BARX2: variants seen among roughly 807,000 people sequenced by gnomAD.
The protein encoded by BARX2 is homeobox protein BarH-like 2.
A neutral mutation model predicts 25.5 loss-of-function variants in BARX2; 11 were observed. The observed-to-expected ratio is 0.43, with a 90% CI of 0.27 to 0.71. BARX2 has a LOEUF of 0.71. Ranked by LOEUF, BARX2 falls within the 30% of genes least tolerant of loss-of-function variation. BARX2 has a pLI of 0.19. For missense variants in BARX2, 360 were observed against 359.9 expected, an observed-to-expected ratio of 1.00 and a Z score of 0.00; for synonymous variants, 137 against 149.5, an observed-to-expected ratio of 0.92 and a Z score of 0.61.
chr11:129,403,573 C>T (rs1411377944), intron 1 of BARX2, among the ~76,000 whole-genome samples: 4 of 152,218 alleles, frequency 2.6e-5, no homozygotes, highest in African/African-American at 9.6e-5. Flanking sequence ...TGCCATACAA[C>T]TGGCTGGCAT....
intron 3 of BARX2, among the ~76,000 whole-genome samples, chr11:129,443,603 C>T (rs1169079510): frequency 6.6e-6 from 1 of 152,180 alleles, no homozygotes; most frequent in Non-Finnish European, 1.5e-5. Flanking sequence ...TCTGAAGTGC[C>T]TGGTATGATG....
chr11:129,442,820 T>C lies in BARX2; in HGVS notation c.489-15T>C, dbSNP rs1862279135. On this transcript the variant is annotated splice_polypyrimidine_tract_variant and intron_variant, in intron 2 of 3. Transcript: ENST00000281437. Reference sequence around the variant, plus strand: ...CCATTCTGCTCACCTTTCCTTTGTATCTTGTGCCTTCTAGGTTGGACTTGG... The same window carrying C: ...CCATTCTGCTCACCTTTCCTTTGTACCTTGTGCCTTCTAGGTTGGACTTGG... 1.9e-6 allele frequency: 3 copies of C among 1,608,266 alleles called. No homozygotes were observed. The highest frequency in any genetic ancestry group is 1.7e-6 in the Non-Finnish European group (2 of 1,174,774).
chr11:129,425,340 G>GGTA (rs1262415032), intron 1 of BARX2, among the ~76,000 whole-genome samples: 1 of 152,232 alleles, frequency 6.6e-6, no homozygotes, highest in East Asian at 1.9e-4. Flanking sequence ...GGTGCATGAA[G>GGTA]GTAGGAGTGA....
At position 129,430,223 on chromosome 11, in the gene BARX2, C is replaced by T. The variant is rs1226790511; in HGVS notation, c.188-6528C>T. 7.9e-5 allele frequency among the ~76,000 whole-genome samples: 12 copies of T among 152,314 alleles called. No individual in the cohort carries two copies. In the East Asian group the frequency reaches 1.9e-3, roughly 24 times the overall value. ...TTTGGGAATTTACTGTATCTTAACC[C>T]TGCCATTTTAAGTCACTGAACTAGT... On this transcript the variant is annotated intron_variant, in intron 1 of 3. Transcript: ENST00000281437.
chr11:129,427,301 G>A (rs1459465320), intron 1 of BARX2, among the ~76,000 whole-genome samples: 2 of 152,182 alleles, frequency 1.3e-5, no homozygotes, highest in African/African-American at 4.8e-5. Context: ...GTCAGGAATA[G>A]AGGCCTTATT....
At chr11:129,432,402 T>A (rs1167328221) in intron 1 of BARX2, among the ~76,000 whole-genome samples, 1 of 152,188 alleles carries the variant, frequency 6.6e-6, no homozygotes, top group Non-Finnish European at 1.5e-5. Flanking sequence ...CATTAAATGA[T>A]GTTTCTTTTA....
chr11:129,442,194 G>A (rs891813632), intron 2 of BARX2, among the ~76,000 whole-genome samples: 2 of 152,092 alleles, frequency 1.3e-5, no homozygotes, highest in Admixed American at 6.5e-5. Context: ...TTTGAGCACC[G>A]GTTCTGGATT....
intron 1 of BARX2, among the ~76,000 whole-genome samples, chr11:129,389,904 C>A (rs576018774): frequency 1.3e-5 from 2 of 151,950 alleles, no homozygotes; most frequent in African/African-American, 2.4e-5. Context: ...AAATGAAGTG[C>A]CTTTGTGACA....
chr11:129,375,901 C>A lies in BARX2; in HGVS notation c.-135C>A, dbSNP rs1861496768. 3 of 335,660 alleles carry A rather than the reference C, an allele frequency of 8.9e-6. No individual in the cohort carries two copies. In the South Asian group the frequency reaches 3.5e-4, roughly 39 times the overall value. 20.8% of individuals were successfully genotyped at this position (335,660 alleles called of 1,614,324 possible). ...CGCCCGCTACCCGCTCTCCTCCGCGCGCCACCCGAGCCCCGCCGCCTCCCC... is the reference window on the plus strand; with the variant it reads ...CGCCCGCTACCCGCTCTCCTCCGCGAGCCACCCGAGCCCCGCCGCCTCCCC... On this transcript the variant is annotated 5_prime_UTR_variant, in exon 1 of 4. Transcript: ENST00000281437. The surrounding 1 kb of genome is among the most constrained non-coding windows in gnomAD (Gnocchi z 4.0).
chr11:129,409,854 A>G (rs2135397636), intron 1 of BARX2, among the ~76,000 whole-genome samples: 1 of 152,238 alleles, frequency 6.6e-6, no homozygotes, highest in South Asian at 2.1e-4. Context: ...ATAGTCTTTT[A>G]TTTATAATTT....
intron 3 of BARX2, among the ~76,000 whole-genome samples, chr11:129,444,856 C>T (rs1862305581): frequency 6.6e-6 from 1 of 151,994 alleles, no homozygotes. Context: ...ACAAAATTAG[C>T]TGGGTGTGGT....
At chr11:129,416,979 G>A (rs1041255154) in intron 1 of BARX2, among the ~76,000 whole-genome samples, 3 of 151,418 alleles carry the variant, frequency 2.0e-5, no homozygotes, top group Admixed American at 6.6e-5. Flanking sequence ...TCAGCTCACT[G>A]CAAGCTCCGC....
chr11:129,422,393 G>A (rs571287819), intron 1 of BARX2, among the ~76,000 whole-genome samples: 3 of 152,118 alleles, frequency 2.0e-5, no homozygotes, highest in South Asian at 2.1e-4. Context: ...CCAACTCCTC[G>A]GTTCAAGTGA....
chr11:129,397,004 G>T (rs569816006), intron 1 of BARX2, among the ~76,000 whole-genome samples: 2 of 152,258 alleles, frequency 1.3e-5, no homozygotes, highest in South Asian at 4.1e-4. Context: ...AACTTACAAG[G>T]CTGGGCACGG....
intron 1 of BARX2, among the ~76,000 whole-genome samples, chr11:129,392,849 G>A (rs1188071396): frequency 2.0e-5 from 3 of 152,214 alleles, no homozygotes; most frequent in Non-Finnish European, 4.4e-5. Context: ...GGCCTCAAGC[G>A]ATCCACTTGC....
At chr11:129,389,676 G>T (rs745793401) in intron 1 of BARX2, among the ~76,000 whole-genome samples, 3 of 149,138 alleles carry the variant, frequency 2.0e-5, no homozygotes, top group Non-Finnish European at 4.4e-5. Flanking sequence ...CAACACGTTT[G>T]ATTTCTTTTC....
At chr11:129,442,643 C>CAGTTTCTT in intron 2 of BARX2, 192 bp from the exon 3 acceptor site, 1 of 633,856 alleles carries the variant, frequency 1.6e-6, no homozygotes, top group South Asian at 1.6e-5. Context: ...ATCTGTTTCT[C>CAGTTTCTT]AGCTTCCCAG....
chr11:129,446,675 A>G (rs537975793), intron 3 of BARX2, among the ~76,000 whole-genome samples: 1 of 152,354 alleles, frequency 6.6e-6, no homozygotes, highest in East Asian at 1.9e-4. Flanking sequence ...GACTCCGCAC[A>G]GCCCTGAGCA....
At chr11:129,400,107 C>T (rs1047811017) in intron 1 of BARX2, among the ~76,000 whole-genome samples, 13 of 152,154 alleles carry the variant, frequency 8.5e-5, no homozygotes, top group African/African-American at 3.1e-4. Flanking sequence ...ATCTAGTGAG[C>T]ACCTTCATTT....
Sources: allele counts gnomAD v4.1 joint callset (sites outside exome capture counted in the v4.1 genomes callset), GRCh38; gene constraint gnomAD v4.1.1; non-coding constraint Gnocchi (gnomAD v3.1); transcripts MANE v1.5; gene names NCBI Gene and HGNC (gene_info 2026-07-23, HGNC 2026-07-21).